The following FBXL2 variants were observed in gnomAD, a reference collection of about 807,000 sequenced individuals.
FBXL2 encodes the protein F-box/LRR-repeat protein 2.
FBXL2 carries 38 observed loss-of-function variants against 69.2 expected under a neutral mutation model. The ratio of observed to expected loss-of-function variants is 0.55; its 90% confidence interval spans 0.42 to 0.72. The LOEUF (loss-of-function observed/expected upper bound fraction) is 0.72. Ranked by LOEUF, FBXL2 falls within the 30% of genes least tolerant of loss-of-function variation. The pLI is 0.00. For synonymous variants in FBXL2, 192 were observed against 201.3 expected, an observed-to-expected ratio of 0.95 and a Z score of 0.39; for missense variants, 354 against 520.3, an observed-to-expected ratio of 0.68 and a Z score of 3.11.
At chr3:33,328,300 C>G (rs1324993085) in intron 2 of FBXL2, among the ~76,000 whole-genome samples, 4 of 152,086 alleles carry the variant, frequency 2.6e-5, no homozygotes, top group African/African-American at 4.8e-5. Context: ...AGATTCAATG[C>G]AATTTCTATC....
chr3:33,293,117 A>G (rs1246785210), intron 1 of FBXL2, among the ~76,000 whole-genome samples: 1 of 152,194 alleles, frequency 6.6e-6, no homozygotes, highest in Non-Finnish European at 1.5e-5. Context: ...TGGCCCTCCA[A>G]AGTGCTGGGA....
At chr3:33,346,055 C>G (rs1170175042) in intron 2 of FBXL2, among the ~76,000 whole-genome samples, 1 of 151,990 alleles carries the variant, frequency 6.6e-6, no homozygotes, top group Non-Finnish European at 1.5e-5. Flanking sequence ...GGTTGAAACC[C>G]TGTCTCTACT....
chr3:33,300,872 C>A (rs1232612162), intron 2 of FBXL2, among the ~76,000 whole-genome samples: 2 of 118,368 alleles, frequency 1.7e-5, no homozygotes, highest in Non-Finnish European at 3.3e-5. Context: ...CAACGCCCAG[C>A]TAATTTTTTT....
At chr3:33,277,894 A>G (rs1320570479) in intron 1 of FBXL2, among the ~76,000 whole-genome samples, 2 of 152,158 alleles carry the variant, frequency 1.3e-5, no homozygotes, top group African/African-American at 4.8e-5. Context: ...ATGTATTTAT[A>G]TTTACACTAA....
the FBXL2 span, among the ~76,000 whole-genome samples, chr3:33,411,117 C>CG: frequency 6.7e-6 from 1 of 149,154 alleles, no homozygotes. Flanking sequence ...TAAAAGGGGG[C>CG]GGAAACTACT....
At chr3:33,342,899 T>TG (rs2040164842) in intron 2 of FBXL2, among the ~76,000 whole-genome samples, 1 of 145,384 alleles carries the variant, frequency 6.9e-6, no homozygotes, top group African/African-American at 2.6e-5. Context: ...AGCTGTTTTT[T>TG]TTTTTTTTTT....
intron 2 of FBXL2, among the ~76,000 whole-genome samples, chr3:33,343,553 G>GA (rs531371123): frequency 5.3e-4 from 81 of 152,066 alleles, no homozygotes; most frequent in African/African-American, 1.7e-3. Flanking sequence ...TTATTGATTA[G>GA]AAATACAATA....
intron 2 of FBXL2, among the ~76,000 whole-genome samples, chr3:33,312,927 C>G (rs2037338838): frequency 6.6e-6 from 1 of 151,798 alleles, no homozygotes; most frequent in South Asian, 2.1e-4. Context: ...TTGAGACCAG[C>G]CTGGGCAACA....
chr3:33,371,586 A>G (rs1256595906), intron 5 of FBXL2, among the ~76,000 whole-genome samples: 2 of 152,184 alleles, frequency 1.3e-5, no homozygotes, highest in Non-Finnish European at 2.9e-5. Flanking sequence ...ATAACTTTTA[A>G]TACCTTTGTT....
chr3:33,303,102 G>GCCTCTATTT (rs2036425937), intron 2 of FBXL2: 1 of 456,526 alleles, frequency 2.2e-6, no homozygotes, highest in Admixed American at 2.3e-5. Context: ...AAGGACTGCT[G>GCCTCTATTT]CCTCTATTTC....
chr3:33,334,731 A>T (rs1340113515), intron 2 of FBXL2, among the ~76,000 whole-genome samples: 1 of 152,176 alleles, frequency 6.6e-6, no homozygotes, highest in Non-Finnish European at 1.5e-5. Context: ...CTATTAAATT[A>T]CTAGAAACCA....
intron 2 of FBXL2, among the ~76,000 whole-genome samples, chr3:33,353,882 T>C (rs1030396833): frequency 2.6e-4 from 40 of 151,584 alleles, no homozygotes; most frequent in Admixed American, 1.3e-4. Context: ...TATGAGACCA[T>C]GTCTGGGAAG....
At position 33,369,615 on chromosome 3, in the gene FBXL2, T is replaced by C. The variant is rs536770734; in HGVS notation, c.291-3477T>C. Among the ~76,000 whole-genome samples the C allele has an allele frequency of 7.2e-5, 11 of 152,186 alleles. No homozygotes were observed. In the East Asian group the frequency reaches 2.1e-3, roughly 29 times the overall value. On this transcript the variant is annotated intron_variant, in intron 5 of 14. Transcript: ENST00000484457. ...AAGAGATTTATTATTATCATTATTA[T>C]CATTATTATTATTATTTTAGATAGT... is the stretch of plus-strand genomic sequence containing the variant.
At position 33,375,072 on chromosome 3, in the gene FBXL2, G is replaced by A. The variant is rs138142354; in HGVS notation, c.658-216G>A. ...TAAAATTTTTACTTTATTTTTTCCT[G>A]GATGCATGTATCTTATCTAAATTGC... On this transcript the variant is annotated intron_variant, in intron 9 of 14. Transcript: ENST00000484457. Among the ~76,000 whole-genome samples, 6 of 152,110 alleles carry A rather than the reference G, an allele frequency of 3.9e-5. 1 individual carries two copies. Among genetic ancestry groups the A allele is most frequent in the African/African-American group, 1.4e-4 (6 of 41,524 alleles).
chr3:33,416,769 T>C, the FBXL2 span: 2 of 1,613,104 alleles, frequency 1.2e-6, no homozygotes, highest in Middle Eastern at 1.7e-4. Flanking sequence ...TTTACTAATT[T>C]TCCATTGATC....
intron 2 of FBXL2, among the ~76,000 whole-genome samples, chr3:33,322,929 A>T (rs2038361745): frequency 6.6e-6 from 1 of 152,196 alleles, no homozygotes. Context: ...TGTGCCTCAC[A>T]GTCTTGCTGT....
rs568029955 is a variant in FBXL2, at chr3:33,279,274, T to C, written c.3+1759T>C. Among the ~76,000 whole-genome samples the C allele has an allele frequency of 8.4e-5, 12 of 142,792 alleles. No individual in the cohort carries two copies. In the South Asian group the frequency reaches 2.4e-3, roughly 29 times the overall value. The allele number at this position is 142,792 out of a possible 152,430, so 93.7% of individuals were successfully genotyped here. A position where few individuals can be genotyped will look rare whatever the true frequency, so the allele number is the denominator to read the frequency against. ...ATATGTCATCCCCAAAACTGTATTC[T>C]TTTTTTTTTTTTTTGAGACGGAGTC... On this transcript the variant is annotated intron_variant, in intron 1 of 14. Coordinates refer to ENST00000484457, the MANE Select transcript of FBXL2 (RefSeq NM_012157.5).
In FBXL2 at chr3:33,373,269, T is replaced by C. The variant is rs753620211; in HGVS notation, c.369T>C (p.Tyr123=). ...GTCTGCTCTTTTTCAGCACGTGTTA[T>C]AGCCTTAGCAGATTCTGTTCCAAGC... ...GCTKITDSTC[Y]SLSRFCSKLK... is the part of the protein sequence containing the mutation. The change falls in exon 7 of 15, where the codon TAT becomes TAC. Residue 123 remains tyrosine (Y), a synonymous_variant. Coordinates refer to ENST00000484457, the MANE Select transcript of FBXL2 (RefSeq NM_012157.5). 5.0e-6 allele frequency: 8 copies of C among 1,614,114 alleles called. No homozygotes were observed. The highest frequency in any genetic ancestry group is 3.3e-5 in the South Asian group (3 of 91,076).
chr3:33,405,892 TC>T (rs2044406698), downstream of FBXL2, among the ~76,000 whole-genome samples: 1 of 152,198 alleles, frequency 6.6e-6, no homozygotes, highest in African/African-American at 2.4e-5. Context: ...AAAACGCTTG[TC>T]TGACATCCAT....
Sources: gnomAD v4.1 joint callset for allele counts (sites outside exome capture counted in the v4.1 genomes callset) on GRCh38, gnomAD v4.1.1 for gene constraint, MANE v1.5 for transcripts, NCBI Gene and HGNC (gene_info 2026-07-23, HGNC 2026-07-21) for gene names.